ADGRB3: variants seen among roughly 807,000 people sequenced by gnomAD.
The protein encoded by ADGRB3 is brain-specific angiogenesis inhibitor 3.
Under a neutral mutation model 193.4 loss-of-function variants are expected in ADGRB3, and 37 were observed. The ratio of observed to expected loss-of-function variants is 0.19; its 90% CI spans 0.15 to 0.25. ADGRB3 has a LOEUF of 0.25. ADGRB3 is among the 10% of genes least tolerant of loss of function. ADGRB3 has a pLI of 1.00. For missense variants in ADGRB3, 1,637 were observed against 1,852.9 expected, an observed-to-expected ratio of 0.88 and a Z score of 2.14; for synonymous variants, 690 against 644.2, an observed-to-expected ratio of 1.07 and a Z score of -1.08.
intron 3 of ADGRB3, among the ~76,000 whole-genome samples, chr6:68,714,730 AG>A (rs1191571320): frequency 6.6e-6 from 1 of 151,890 alleles, no homozygotes. Context: ...GAAATATAAA[AG>A]GCATTTGATT....
intron 3 of ADGRB3, among the ~76,000 whole-genome samples, chr6:68,700,194 G>A (rs1034406248): frequency 6.6e-6 from 1 of 152,016 alleles, no homozygotes; most frequent in East Asian, 1.9e-4. Context: ...GGAGGGACAG[G>A]GTCTTGAATA....
At chr6:68,892,995 C>T (rs1444651922) in intron 3 of ADGRB3, among the ~76,000 whole-genome samples, 3 of 152,244 alleles carry the variant, frequency 2.0e-5, no homozygotes, top group East Asian at 3.9e-4. Context: ...TTAGCTGCTT[C>T]TCTAATGCCT....
chr6:69,186,886 C>T (rs62406824), intron 17 of ADGRB3, among the ~76,000 whole-genome samples: 21,324 of 150,318 alleles, frequency 0.14, 1,565 homozygotes, highest in Middle Eastern at 0.17. Context: ...AGTATATTAC[C>T]TCTATACAGA....
At position 69,064,157 on chromosome 6, in the gene ADGRB3, A is replaced by G. The variant is rs74979934; in HGVS notation, c.2436+1121A>G. Among the ~76,000 whole-genome samples, 357 of 152,158 alleles carry G rather than the reference A, an allele frequency of 2.3e-3. 3 individuals carry two copies. Among genetic ancestry groups the G allele is most frequent in the African/African-American group, 8.2e-3 (339 of 41,556 alleles). On this transcript the variant is annotated intron_variant, in intron 16 of 31. Transcript: ENST00000370598. ...TCAGCCTTAGTTTTATAGAAAAATG[A>G]TAATCACCTTTTCTGTGAATCACTT...
At chr6:69,026,885 G>C (rs947219) in intron 13 of ADGRB3, among the ~76,000 whole-genome samples, 145,471 of 152,266 alleles carry the variant, frequency 0.96, 69,803 homozygotes, top group East Asian at 1. Context: ...TGAATGGAGC[G>C]TACAGGACTT....
intron 17 of ADGRB3, among the ~76,000 whole-genome samples, chr6:69,169,096 T>C (rs1232336265): frequency 6.6e-6 from 1 of 152,118 alleles, no homozygotes; most frequent in African/African-American, 2.4e-5. Flanking sequence ...AAAAAGATAG[T>C]TCCTCTATAG....
At chr6:68,687,327 T>C (rs1246152044) in intron 3 of ADGRB3, among the ~76,000 whole-genome samples, 1 of 152,158 alleles carries the variant, frequency 6.6e-6, no homozygotes, top group Non-Finnish European at 1.5e-5. Context: ...ATATTTTATA[T>C]ACATGATCTT....
rs887220077 is a variant in ADGRB3, at chr6:69,279,099, A to G, written c.2814+39873A>G. 2.6e-4 allele frequency among the ~76,000 whole-genome samples: 35 copies of G among 134,104 alleles called. 2 individuals carry two copies. The highest frequency in any genetic ancestry group is 4.9e-4 in the South Asian group (2 of 4,092). The allele number at this position is 134,104 out of a possible 152,430, so 88.0% of individuals were successfully genotyped here. ...TATATATATATATATATATATATAT[A>G]TATATATATATATATATATATGCTC... is the stretch of plus-strand genomic sequence containing the variant. On this transcript the variant is annotated intron_variant, in intron 20 of 31. Coordinates refer to ENST00000370598, the MANE Select transcript of ADGRB3 (RefSeq NM_001704.3).
intron 20 of ADGRB3, among the ~76,000 whole-genome samples, chr6:69,250,958 T>A (rs1766605713): frequency 6.6e-6 from 1 of 152,250 alleles, no homozygotes; most frequent in Non-Finnish European, 1.5e-5. Context: ...TGGGCCTATG[T>A]ACTTCTTTCA....
At chr6:68,846,948 A>C (rs526156) in intron 3 of ADGRB3, among the ~76,000 whole-genome samples, 132,924 of 152,116 alleles carry the variant, frequency 0.87, 58,340 homozygotes, top group Middle Eastern at 0.95. Context: ...GTGAAAGCAG[A>C]CAGGAGGGAG....
intron 17 of ADGRB3, among the ~76,000 whole-genome samples, chr6:69,133,678 CT>C (rs57634617): frequency 2.7e-5 from 4 of 150,604 alleles, no homozygotes; most frequent in Non-Finnish European, 5.9e-5. Context: ...AAGAAAATTT[CT>C]TTTTTTTTCT....
chr6:69,172,970 G>A (rs76500248), intron 17 of ADGRB3, among the ~76,000 whole-genome samples: 2,611 of 152,284 alleles, frequency 0.017, 70 homozygotes, highest in African/African-American at 0.059. Context: ...TTATAGGCAG[G>A]GCCTGGATCA....
At chr6:68,775,549 T>A (rs1766730557) in intron 3 of ADGRB3, among the ~76,000 whole-genome samples, 1 of 152,146 alleles carries the variant, frequency 6.6e-6, no homozygotes, top group Non-Finnish European at 1.5e-5. Flanking sequence ...TGCTTGTCCT[T>A]TATATCCAAG....
At chr6:69,275,696 A>T (rs9294826) in intron 20 of ADGRB3, among the ~76,000 whole-genome samples, 48,458 of 145,910 alleles carry the variant, frequency 0.33, 8,063 homozygotes, top group Middle Eastern at 0.4. Context: ...GACATAATAT[A>T]AAAAAAAAAC....
chr6:69,338,010 T>G (rs1254249908), intron 24 of ADGRB3, among the ~76,000 whole-genome samples: 1 of 152,178 alleles, frequency 6.6e-6, no homozygotes, highest in South Asian at 2.1e-4. Context: ...AGTAATTTCT[T>G]TTTGGTTTTT....
intron 3 of ADGRB3, among the ~76,000 whole-genome samples, chr6:68,751,328 A>G (rs990820141): frequency 1.3e-5 from 2 of 152,086 alleles, no homozygotes; most frequent in Non-Finnish European, 2.9e-5. Flanking sequence ...GTCACTCGCA[A>G]ACAGAATTTA....
intron 15 of ADGRB3, among the ~76,000 whole-genome samples, chr6:69,049,798 T>C (rs954959643): frequency 6.6e-6 from 1 of 152,154 alleles, no homozygotes; most frequent in Non-Finnish European, 1.5e-5. Context: ...TTGAAATAAA[T>C]TTTCAATTAC....
intron 3 of ADGRB3, among the ~76,000 whole-genome samples, chr6:68,801,169 C>G (rs1368108541): frequency 6.6e-6 from 1 of 152,114 alleles, no homozygotes; most frequent in Non-Finnish European, 1.5e-5. Context: ...CTCCTCTGTC[C>G]TGTGTTGTTT....
intron 10 of ADGRB3, among the ~76,000 whole-genome samples, chr6:68,987,054 A>G (rs1233350592): frequency 1.3e-5 from 2 of 152,132 alleles, no homozygotes; most frequent in Non-Finnish European, 2.9e-5. Flanking sequence ...TTCACTGTTG[A>G]TCTTCTCAAT....
Sources: gnomAD v4.1 joint callset for allele counts (sites outside exome capture counted in the v4.1 genomes callset) on GRCh38, gnomAD v4.1.1 for gene constraint, MANE v1.5 for transcripts, NCBI Gene and HGNC (gene_info 2026-07-23, HGNC 2026-07-21) for gene names.